Variants in PIK3AP1 observed in about 807,000 individuals in gnomAD.
The protein encoded by PIK3AP1 is phosphoinositide-3-kinase adaptor protein 1.
In PIK3AP1, 21 loss-of-function variants were observed where a neutral mutation model predicts 88.1. The ratio of observed to expected loss-of-function variants is 0.24; its 90% CI spans 0.17 to 0.34. PIK3AP1 has a LOEUF of 0.34. Ranked by LOEUF, PIK3AP1 falls within the 10% of genes least tolerant of loss-of-function variation. The pLI is 1.00. For synonymous variants in PIK3AP1, 398 were observed against 400.0 expected, an observed-to-expected ratio of 1.00 and a Z score of 0.06; for missense variants, 828 against 1,035.7, an observed-to-expected ratio of 0.80 and a Z score of 2.75.
intron 2 of PIK3AP1, among the ~76,000 whole-genome samples, chr10:96,686,708 A>G (rs561656621): frequency 2.0e-5 from 3 of 152,130 alleles, no homozygotes; most frequent in African/African-American, 7.2e-5. Flanking sequence ...TCTGTTAAAT[A>G]CAGAGACAGC....
Position 96,658,081 on chromosome 10 carries a change from A to AAG in PIK3AP1, c.431-1148_431-1147insCT, listed in dbSNP as rs1843639750. Among the ~76,000 whole-genome samples the AAG allele has an allele frequency of 5.5e-5, 8 of 145,084 alleles. No homozygotes were observed. In the Admixed American group the frequency reaches 5.5e-4, roughly 10 times the overall value. ...TCCATCTCAAAAAAAAAAAAAAAAA[A>AAG]TAGAATGGTTGAGAGGAGAGAGAAG... On this transcript the variant is annotated intron_variant, in intron 2 of 16. Coordinates refer to ENST00000339364, the MANE Select transcript of PIK3AP1 (RefSeq NM_152309.3).
chr10:96,675,914 C>A (rs146270813), intron 2 of PIK3AP1, among the ~76,000 whole-genome samples: 1 of 152,216 alleles, frequency 6.6e-6, no homozygotes, highest in East Asian at 1.9e-4. Context: ...ATAAGGCCAT[C>A]ATAGGGACGT....
chr10:96,620,374 G>T lies in PIK3AP1; in HGVS notation c.1919C>A (p.Ser640Ter). 1 of 1,614,106 alleles carries T rather than the reference G, an allele frequency of 6.2e-7. No individual in the cohort carries two copies. The highest frequency in any genetic ancestry group is 1.1e-5 in the South Asian group (1 of 91,054). The change falls in exon 12 of 17, where the codon TCG becomes TAG. Residue 640 changes from serine (S) to a stop codon, truncating the protein, a stop_gained. Coordinates refer to ENST00000339364, the MANE Select transcript of PIK3AP1 (RefSeq NM_152309.3). LOFTEE classifies it high-confidence loss of function. ...KEWQLNQKKR[S>*]ESFRFQQENL... Reference sequence around the variant, plus strand: ...TACCTGCTGGAAACGAAAGGACTCCGATCGTTTCTTCTGGTTGAGCTGCCA... The same window carrying T: ...TACCTGCTGGAAACGAAAGGACTCCTATCGTTTCTTCTGGTTGAGCTGCCA...
At chr10:96,706,368 G>T (rs896684686) in intron 2 of PIK3AP1, among the ~76,000 whole-genome samples, 3 of 152,154 alleles carry the variant, frequency 2.0e-5, no homozygotes, top group African/African-American at 7.2e-5. Context: ...TGCAAGAGGA[G>T]TATTTTTTAA....
At chr10:96,646,152 C>T (rs552989880) in intron 7 of PIK3AP1, among the ~76,000 whole-genome samples, 1 of 151,916 alleles carries the variant, frequency 6.6e-6, no homozygotes. Flanking sequence ...CCCAGCTACT[C>T]GGGAGGCCGA....
chr10:96,681,019 T>C (rs769554902), intron 2 of PIK3AP1, among the ~76,000 whole-genome samples: 16 of 152,216 alleles, frequency 1.1e-4, no homozygotes, highest in Non-Finnish European at 1.3e-4. Context: ...CAAAACACCA[T>C]AGACTGTGTG....
At chr10:96,625,282 G>C (rs149647667) in intron 10 of PIK3AP1, among the ~76,000 whole-genome samples, 169 of 152,288 alleles carry the variant, frequency 1.1e-3, no homozygotes, top group Non-Finnish European at 1.8e-3. Context: ...GGTGCCAGGT[G>C]CCAGAGGAAG....
chr10:96,687,777 C>CT (rs1844094808), intron 2 of PIK3AP1, among the ~76,000 whole-genome samples: 1 of 152,192 alleles, frequency 6.6e-6, no homozygotes, highest in Non-Finnish European at 1.5e-5. Flanking sequence ...CATGTAAACA[C>CT]TAGACCCACC....
At chr10:96,613,347 A>G (rs1849160314) in intron 13 of PIK3AP1, among the ~76,000 whole-genome samples, 1 of 152,144 alleles carries the variant, frequency 6.6e-6, no homozygotes, top group Non-Finnish European at 1.5e-5. Context: ...TATGTTAGGC[A>G]TATTTTATTA....
intron 14 of PIK3AP1, among the ~76,000 whole-genome samples, chr10:96,607,809 G>A (rs527409075): frequency 5.3e-5 from 8 of 152,318 alleles, no homozygotes; most frequent in East Asian, 1.9e-4. Context: ...GACCCCAGCC[G>A]ATGCCACAGA....
chr10:96,636,022 A>G (rs1843307442), intron 8 of PIK3AP1, among the ~76,000 whole-genome samples: 1 of 152,190 alleles, frequency 6.6e-6, no homozygotes, highest in African/African-American at 2.4e-5. Context: ...CCTGGCCAAC[A>G]TGGTAAAACC....
rs182619826 is a variant in PIK3AP1, at chr10:96,651,535, C to T, written c.829G>A (p.Ala277Thr). Residue 277 changes from alanine (A) to threonine (T), a missense_variant, in exon 5 of 17, where the codon GCG becomes ACG. Ala to Thr is a moderately conservative substitution (Grantham distance 58, BLOSUM62 0). This residue lies in a region of PIK3AP1 where 610 missense variants were observed against 760.1 expected (regional missense o/e 0.80). Coordinates refer to ENST00000339364, the MANE Select transcript of PIK3AP1 (RefSeq NM_152309.3). ...EEIGNLLSNA[A>T]NPVEFMCQAF... ...TGACACATGAATTCCACAGGATTCGCGGCATTGGACAATAAATTCCCAATT... is the reference window on the plus strand; with the variant it reads ...TGACACATGAATTCCACAGGATTCGTGGCATTGGACAATAAATTCCCAATT... 3.2e-5 allele frequency: 51 copies of T among 1,614,056 alleles called. 1 individual carries two copies. The highest frequency in any genetic ancestry group is 1.3e-4 in the South Asian group (12 of 91,082).
chr10:96,677,521 C>T (rs1309513524), intron 2 of PIK3AP1, among the ~76,000 whole-genome samples: 2 of 150,492 alleles, frequency 1.3e-5, no homozygotes, highest in Non-Finnish European at 3.0e-5. Context: ...AGGGTCTGTC[C>T]TGCCCCGATG....
intron 2 of PIK3AP1, among the ~76,000 whole-genome samples, chr10:96,686,421 C>T (rs944590394): frequency 1.3e-5 from 2 of 152,086 alleles, no homozygotes; most frequent in Admixed American, 6.5e-5. Context: ...GGAGACAATT[C>T]GATAAATGAG....
At position 96,646,002 on chromosome 10, in the gene PIK3AP1, G is replaced by A. The variant is rs137959907; in HGVS notation, c.1186-340C>T. On this transcript the variant is annotated intron_variant, in intron 7 of 16. Coordinates refer to ENST00000339364, the MANE Select transcript of PIK3AP1 (RefSeq NM_152309.3). ...TGGCCTGATGTGGTGGCTCACACCTGTAATCCCAGGACTTTAGGAGGCCAA... is the reference window on the plus strand; with the variant it reads ...TGGCCTGATGTGGTGGCTCACACCTATAATCCCAGGACTTTAGGAGGCCAA... Among the ~76,000 whole-genome samples the A allele has an allele frequency of 2.7e-3, 417 of 152,324 alleles. 4 individuals carry two copies. Among genetic ancestry groups the A allele is most frequent in the African/African-American group, 9.7e-3 (404 of 41,576 alleles).
At chr10:96,687,280 A>T (rs7094048) in intron 2 of PIK3AP1, among the ~76,000 whole-genome samples, 6 of 121,568 alleles carry the variant, frequency 4.9e-5, no homozygotes, top group East Asian at 4.6e-4. Context: ...AAAAAAAAAA[A>T]AAAAAGAAAA....
At chr10:96,710,041 C>G (rs1217078464) in intron 1 of PIK3AP1, 58 bp from the exon 2 acceptor site, 5 of 1,498,354 alleles carry the variant, frequency 3.3e-6, no homozygotes, top group South Asian at 1.3e-5. Flanking sequence ...AGGTGGCTCC[C>G]CACAGCCTGC....
chr10:96,647,265 C>T (rs1843472670), intron 7 of PIK3AP1, among the ~76,000 whole-genome samples: 1 of 152,210 alleles, frequency 6.6e-6, no homozygotes, highest in Admixed American at 6.5e-5. Context: ...GGTGCAAATC[C>T]TGTCTCTGCC....
chr10:96,704,391 A>G (rs1375447273), intron 2 of PIK3AP1, among the ~76,000 whole-genome samples: 2 of 152,232 alleles, frequency 1.3e-5, no homozygotes, highest in African/African-American at 4.8e-5. Flanking sequence ...TACCTGGACC[A>G]GCAGCATCAG....
Sources: allele counts gnomAD v4.1 joint callset (sites outside exome capture counted in the v4.1 genomes callset), GRCh38; gene constraint gnomAD v4.1.1; regional missense constraint gnomAD v4.1.1; transcripts MANE v1.5; gene names NCBI Gene and HGNC (gene_info 2026-07-23, HGNC 2026-07-21).